The following BLM variants were observed in gnomAD, a reference collection of about 807,000 sequenced individuals.
BLM encodes the protein BLM RecQ like helicase, also known as recQ-like DNA helicase BLM.
Under a neutral mutation model 135.3 loss-of-function variants are expected in BLM, and 95 were observed. That is an observed-to-expected ratio of 0.70 (90% confidence interval 0.59 to 0.83). BLM has a LOEUF of 0.83. Ranked by LOEUF, BLM falls within the 40% of genes least tolerant of loss-of-function variation. BLM has a pLI of 0.00. For synonymous variants in BLM, 520 were observed against 589.2 expected (o/e 0.88, Z 1.70); for missense variants, 1,518 against 1,663.9 (o/e 0.91, Z 1.53).
intron 12 of BLM, among the ~76,000 whole-genome samples, chr15:90,770,366 C>CG (rs542594488): frequency 2.8e-4 from 42 of 152,136 alleles, no homozygotes; most frequent in Non-Finnish European, 5.4e-4. Context: ...TTAGTAGAGA[C>CG]GGGGTGTCAC....
chr15:90,775,591 A>C (rs906227131), intron 12 of BLM, among the ~76,000 whole-genome samples: 2 of 151,608 alleles, frequency 1.3e-5, no homozygotes, highest in African/African-American at 4.8e-5. Context: ...CGATCTCTGC[A>C]ATCTCCACCT....
intron 15 of BLM, 43 bp downstream of exon 15, chr15:90,790,887 C>A: frequency 6.4e-7 from 1 of 1,560,126 alleles, no homozygotes; most frequent in Non-Finnish European, 8.8e-7. Flanking sequence ...CATCTTCAGC[C>A]TCATGATAGT....
intron 21 of BLM, among the ~76,000 whole-genome samples, chr15:90,813,436 C>T (rs1210000990): frequency 2.6e-5 from 4 of 152,132 alleles, no homozygotes; most frequent in Non-Finnish European, 4.4e-5. Flanking sequence ...TCTTGTCACC[C>T]AGGCTGGAGT....
At chr15:90,787,957 A>G (rs942695522) in intron 14 of BLM, among the ~76,000 whole-genome samples, 10 of 152,262 alleles carry the variant, frequency 6.6e-5, no homozygotes, top group South Asian at 4.2e-4. Flanking sequence ...GTCAAAAAAA[A>G]AAAAAGAAAG....
rs140796771 is a variant in BLM, at chr15:90,809,919, T to C, written c.3874+660T>C. ...AAATATTGAGAGCACAGAAGTCTTC[T>C]GCCCTCTGATAACATCACCACGTAA... On this transcript the variant is annotated intron_variant, in intron 20 of 21. Transcript: ENST00000355112. Among the ~76,000 whole-genome samples, 733 of 152,324 alleles carry C rather than the reference T, an allele frequency of 4.8e-3. 6 individuals carry two copies. Among genetic ancestry groups the C allele is most frequent in the African/African-American group, 0.017 (699 of 41,578 alleles).
At chr15:90,738,819 G>A (rs373364434) in intron 1 of BLM, among the ~76,000 whole-genome samples, 3 of 152,184 alleles carry the variant, frequency 2.0e-5, no homozygotes, top group East Asian at 1.9e-4. Flanking sequence ...AATAACAAGT[G>A]TTGCTGAGGA....
chr15:90,798,146 T>C, intron 16 of BLM, 44 bp from the exon 17 acceptor site: 1 of 1,533,496 alleles, frequency 6.5e-7, no homozygotes, highest in Non-Finnish European at 9.0e-7. Context: ...ATCTAGGCAT[T>C]GTTACCTTAA....
chr15:90,748,780 G>A (rs1433650365), intron 2 of BLM, among the ~76,000 whole-genome samples: 1 of 146,016 alleles, frequency 6.8e-6, no homozygotes, highest in East Asian at 2.0e-4. Flanking sequence ...TTTTTTTTGA[G>A]ACAGTCTCGC....
At chr15:90,745,674 G>C (rs367654457) in intron 1 of BLM, among the ~76,000 whole-genome samples, 2 of 152,186 alleles carry the variant, frequency 1.3e-5, no homozygotes, top group Non-Finnish European at 2.9e-5. Context: ...GCCTCCTAAA[G>C]TGCTGGGTCT....
intron 8 of BLM, among the ~76,000 whole-genome samples, chr15:90,763,508 T>G (rs963891077): frequency 2.0e-5 from 3 of 152,196 alleles, no homozygotes; most frequent in African/African-American, 7.2e-5. Context: ...TGCAACAATC[T>G]GGTGTTGCAT....
At chr15:90,718,292 T>G (rs2151123032) in intron 1 of BLM, among the ~76,000 whole-genome samples, 1 of 152,332 alleles carries the variant, frequency 6.6e-6, no homozygotes, top group South Asian at 2.1e-4. Flanking sequence ...GATTAAGTGC[T>G]AGAGATACAG....
Position 90,766,991 on chromosome 15 carries a change from A to G in BLM, c.2275A>G (p.Ile759Val), listed in dbSNP as rs1896149719. 1.3e-6 allele frequency: 2 copies of G among 1,592,764 alleles called. No individual in the cohort carries two copies. The highest frequency in any genetic ancestry group is 1.7e-6 in the Non-Finnish European group (2 of 1,161,894). ...IYLQLSKKDP[I>V]IKLLYVTPEK... ...CCTCCAGTTATCAAAAAAAGACCCA[A>G]TCATAAAACTTCTATATGTCACTCC... Residue 759 changes from isoleucine (I) to valine (V), a missense_variant, in exon 10 of 22, where the codon ATC becomes GTC. This residue lies in a region of BLM where 626 missense variants were observed against 681.1 expected (regional missense o/e 0.92). Coordinates refer to ENST00000355112, the MANE Select transcript of BLM (RefSeq NM_000057.4).
intron 10 of BLM, among the ~76,000 whole-genome samples, chr15:90,767,315 T>C (rs572004440): frequency 6.6e-6 from 1 of 152,316 alleles, no homozygotes; most frequent in South Asian, 2.1e-4. Context: ...AGTACAATGA[T>C]CAAAATTAGG....
intron 12 of BLM, among the ~76,000 whole-genome samples, chr15:90,772,890 G>A (rs1411853699): frequency 1.3e-5 from 2 of 152,038 alleles, no homozygotes; most frequent in Non-Finnish European, 2.9e-5. Flanking sequence ...CTGAGGTCAC[G>A]AGTTCAAGAC....
rs539512599 is a variant in BLM, at chr15:90,793,581, G to A, written c.3020-586G>A. 3.2e-4 allele frequency among the ~76,000 whole-genome samples: 49 copies of A among 152,232 alleles called. 1 individual carries two copies. The South Asian group carries it at 9.8e-3, about 30-fold the overall frequency. On this transcript the variant is annotated intron_variant, in intron 15 of 21. Coordinates refer to ENST00000355112, the MANE Select transcript of BLM (RefSeq NM_000057.4). ...GATACTTCTTTTTATCATAGCAACTGCGAAAAACCCAGCTTTGCAAAGATG... is the reference window on the plus strand; with the variant it reads ...GATACTTCTTTTTATCATAGCAACTACGAAAAACCCAGCTTTGCAAAGATG...
chr15:90,795,643 A>T (rs2151188404), intron 16 of BLM, among the ~76,000 whole-genome samples: 1 of 152,240 alleles, frequency 6.6e-6, no homozygotes, highest in South Asian at 2.1e-4. Flanking sequence ...CATTCAACAG[A>T]TATTTGTTGG....
At chr15:90,790,913 T>C in intron 15 of BLM, 69 bp downstream of exon 15, 1 of 1,448,170 alleles carries the variant, frequency 6.9e-7, no homozygotes, top group Non-Finnish European at 9.7e-7. Flanking sequence ...ACTCCTGCTA[T>C]TGTGGTACTT....
chr15:90,781,373 C>T (rs28385050), intron 12 of BLM, among the ~76,000 whole-genome samples: 24,213 of 152,054 alleles, frequency 0.16, 1,988 homozygotes, highest in Non-Finnish European at 0.19. Context: ...ACCTGTAATC[C>T]CAGCACTTTG....
intron 19 of BLM, among the ~76,000 whole-genome samples, chr15:90,805,802 A>G (rs1248291955): frequency 1.3e-5 from 2 of 151,718 alleles, no homozygotes; most frequent in Non-Finnish European, 2.9e-5. Flanking sequence ...AAGTGCTGGG[A>G]TTACAGGCAT....
Sources: allele counts gnomAD v4.1 joint callset (sites outside exome capture counted in the v4.1 genomes callset), GRCh38; gene constraint gnomAD v4.1.1; regional missense constraint gnomAD v4.1.1; transcripts MANE v1.5; gene names NCBI Gene and HGNC (gene_info 2026-07-23, HGNC 2026-07-21).